LMO7: variants seen among roughly 807,000 people sequenced by gnomAD.
LMO7 encodes the protein LIM domain 7.
In LMO7, 120 loss-of-function variants were observed where a neutral mutation model predicts 206.5. The observed-to-expected ratio is 0.58, with a 90% CI of 0.50 to 0.68. The LOEUF (loss-of-function observed/expected upper bound fraction) is 0.68, where lower values mean the gene tolerates loss of function less well. LMO7 is among the 30% of genes least tolerant of loss of function. The pLI, the probability that LMO7 is intolerant of heterozygous loss-of-function variation, is 0.00. For missense variants in LMO7, 1,959 were observed against 1,957.9 expected (o/e 1.00, Z -0.01); for synonymous variants, 706 against 681.5 (o/e 1.04, Z -0.56).
chr13:75,631,788 C>T (rs2034988790), upstream of LMO7: 1 of 152,282 alleles, frequency 6.6e-6, no homozygotes, highest in Non-Finnish European at 1.5e-5. Flanking sequence ...GTTGACCACA[C>T]TCTCCAAGGC....
intron 1 of LMO7, among the ~76,000 whole-genome samples, chr13:75,668,420 G>A (rs1002742816): frequency 1.3e-5 from 2 of 152,100 alleles, no homozygotes; most frequent in Admixed American, 6.6e-5. Context: ...GTTCTGGCTT[G>A]CCTGAAATTT....
chr13:75,727,020 T>G lies in LMO7; in HGVS notation c.141-9T>G, dbSNP rs1225585104. ...CTTGTAATTGCATCTGTTATTTATT[T>G]ACTTTCAGTTTGATTAATAAGCTTA... On this transcript the variant is annotated splice_polypyrimidine_tract_variant and intron_variant, in intron 2 of 30. Coordinates refer to ENST00000377534, the MANE Select transcript of LMO7 (RefSeq NM_001306080.2). 2.0e-6 allele frequency: 3 copies of G among 1,495,176 alleles called. No homozygotes were observed. The highest frequency in any genetic ancestry group is 2.3e-5 in the South Asian group (2 of 87,908). 92.6% of individuals were successfully genotyped at this position (1,495,176 alleles called of 1,614,324 possible).
chr13:75,733,441 T>G (rs990495313), intron 3 of LMO7, among the ~76,000 whole-genome samples: 2 of 152,148 alleles, frequency 1.3e-5, no homozygotes, highest in Admixed American at 1.3e-4. Flanking sequence ...AGGTGTGGGA[T>G]ATAATCTCCT....
At chr13:75,820,873 C>T (rs1052261308) in intron 13 of LMO7, among the ~76,000 whole-genome samples, 14 of 151,714 alleles carry the variant, frequency 9.2e-5, no homozygotes, top group African/African-American at 3.4e-4. Flanking sequence ...GGCGCATGCC[C>T]GTAATCCCAG....
chr13:75,800,638 TGGAAG>T (rs1161412705), intron 6 of LMO7, 41 bp from the exon 7 acceptor site: 2 of 1,536,494 alleles, frequency 1.3e-6, no homozygotes. Flanking sequence ...TTATATTTTT[TGGAAG>T]TTTATTTAAC....
chr13:75,718,803 C>T (rs1444822403), intron 2 of LMO7, among the ~76,000 whole-genome samples: 1 of 152,206 alleles, frequency 6.6e-6, no homozygotes, highest in African/African-American at 2.4e-5. Flanking sequence ...ATTCATCCCT[C>T]CCTTACCTCT....
At chr13:75,658,635 G>A (rs138060411) in intron 1 of LMO7, among the ~76,000 whole-genome samples, 1,895 of 152,240 alleles carry the variant, frequency 0.012, 46 homozygotes, top group African/African-American at 0.043. Context: ...CCAGGCTGGA[G>A]TGCAGTGGCG....
intron 3 of LMO7, among the ~76,000 whole-genome samples, chr13:75,738,010 G>C (rs936663702): frequency 9.2e-5 from 14 of 151,850 alleles, no homozygotes; most frequent in African/African-American, 3.4e-4. Context: ...CAGGTCACTG[G>C]CCAGCCTGTG....
intron 1 of LMO7, among the ~76,000 whole-genome samples, chr13:75,693,602 C>G (rs1443070838): frequency 6.6e-6 from 1 of 152,194 alleles, no homozygotes; most frequent in African/African-American, 2.4e-5. Context: ...TCATTATTCT[C>G]TGTTGTGGAG....
rs1222042659 is a variant in LMO7 at position 75,658,071 on chromosome 13, T to TC, written c.69+21349dup. Among the ~76,000 whole-genome samples, 6 of 152,058 alleles carry TC rather than the reference T, an allele frequency of 3.9e-5. No individual in the cohort carries two copies. In the East Asian group the frequency reaches 7.7e-4, roughly 20 times the overall value. ...CAGCACCGTTTTGGCTTTTTTTTTT[T>TC]CCCCTTCAGTTTTCCTAGCACCATA... On this transcript the variant is annotated intron_variant, in intron 1 of 30. Transcript: ENST00000377534.
At chr13:75,623,909 A>G (rs2033676305) in intron 2 of LMO7, among the ~76,000 whole-genome samples, 1 of 152,190 alleles carries the variant, frequency 6.6e-6, no homozygotes, top group Non-Finnish European at 1.5e-5. Flanking sequence ...TCAGTTTATA[A>G]TGCATAATAA....
intron 1 of LMO7, among the ~76,000 whole-genome samples, chr13:75,673,049 C>G (rs574352811): frequency 6.6e-6 from 1 of 152,196 alleles, no homozygotes; most frequent in Admixed American, 6.5e-5. Context: ...TCCTAGAGTA[C>G]AAAAATTATC....
intron 2 of LMO7, among the ~76,000 whole-genome samples, chr13:75,723,859 A>G (rs1025405161): frequency 1.3e-5 from 2 of 152,144 alleles, no homozygotes; most frequent in African/African-American, 2.4e-5. Context: ...TATAAACAAT[A>G]GAAATTGATT....
rs375023093 is a variant in LMO7, at chr13:75,713,204, A to G, written c.92A>G (p.Glu31Gly). The G allele has an allele frequency of 6.2e-7, 1 of 1,612,136 alleles. No individual in the cohort carries two copies. Among genetic ancestry groups the G allele is most frequent in the Non-Finnish European group, 8.5e-7 (1 of 1,178,884 alleles). The change falls in exon 2 of 31, where the codon GAA (glutamate) becomes GGA (glycine). Residue 31 changes from glutamate to glycine, a missense_variant. By Grantham distance (98) the Glu-to-Gly change is moderately conservative. Transcript: ENST00000377534. Reference protein sequence around the residue: ...WVEAVTEKNFETKDFRASLEN... With the variant: ...WVEAVTEKNFGTKDFRASLEN... ...CAGGCAGTAACAGAGAAGAATTTTGAAACAAAAGATTTTCGAGCCTCTCTA... is the reference window on the plus strand; with the variant it reads ...CAGGCAGTAACAGAGAAGAATTTTGGAACAAAAGATTTTCGAGCCTCTCTA...
At chr13:75,809,562 T>C (rs2056026082) in intron 11 of LMO7, among the ~76,000 whole-genome samples, 1 of 152,196 alleles carries the variant, frequency 6.6e-6, no homozygotes, top group Admixed American at 6.5e-5. Context: ...TACTACATTT[T>C]AGAAAATCTG....
At chr13:75,705,474 A>T (rs9573624) in intron 1 of LMO7, among the ~76,000 whole-genome samples, 10,925 of 152,044 alleles carry the variant, frequency 0.072, 838 homozygotes, top group African/African-American at 0.19. Flanking sequence ...GGCAAACAAG[A>T]AAGAGAAGAA....
chr13:75,850,100 G>A (rs1387482022), intron 27 of LMO7, among the ~76,000 whole-genome samples: 1 of 152,008 alleles, frequency 6.6e-6, no homozygotes, highest in Non-Finnish European at 1.5e-5. Context: ...CCTGGATGAC[G>A]GAGCAAGAGA....
intron 3 of LMO7, 83 bp from the exon 4 acceptor site, chr13:75,760,849 C>T: frequency 6.3e-7 from 1 of 1,576,284 alleles, no homozygotes. Context: ...GACTTTGAAG[C>T]TTCGAAGTTA....
chr13:75,786,542 T>G (rs79294843), intron 4 of LMO7, among the ~76,000 whole-genome samples: 2 of 151,318 alleles, frequency 1.3e-5, no homozygotes, highest in African/African-American at 4.9e-5. Context: ...GCCTGGCTAA[T>G]TTTTTTTTGT....
Sources: gnomAD v4.1 joint callset for allele counts (sites outside exome capture counted in the v4.1 genomes callset) on GRCh38, gnomAD v4.1.1 for gene constraint, MANE v1.5 for transcripts, NCBI Gene and HGNC (gene_info 2026-07-23, HGNC 2026-07-21) for gene names.